Variants in GPATCH2L observed in about 807,000 individuals in gnomAD.
The protein encoded by GPATCH2L is G-patch domain containing 2 like.
Under a neutral mutation model 57.4 loss-of-function variants are expected in GPATCH2L, and 31 were observed. The ratio of observed to expected loss-of-function variants is 0.54; its 90% CI spans 0.41 to 0.73. The LOEUF is 0.73. GPATCH2L is among the 30% of genes least tolerant of loss of function. The pLI is 0.00. For missense variants in GPATCH2L, 481 were observed against 599.9 expected (o/e 0.80, Z 2.07); for synonymous variants, 199 against 210.7 (o/e 0.94, Z 0.48).
rs2040586655 is a variant in GPATCH2L at position 76,233,967 on chromosome 14, C to T, written c.*117+4014C>T. Among the ~76,000 whole-genome samples the T allele has an allele frequency of 2.0e-5, 3 of 152,000 alleles. No individual in the cohort carries two copies. In the South Asian group the frequency reaches 6.2e-4, roughly 32 times the overall value. On this transcript the variant is annotated intron_variant and NMD_transcript_variant, in intron 2 of 3. Coordinates refer to the GPATCH2L transcript ENST00000556372. ...AAAATAAGAAAAAGGAAAAATTAGC[C>T]ATGTGCAGTGGACACACCTGCAGTC...
At position 76,204,936 on chromosome 14, in the gene GPATCH2L, A is replaced by G. The variant is rs1186640800; in HGVS notation, c.*3085A>G. ...TTTTCAGATGCAGTATTTTAAAGGA[A>G]CAAAACTCCTGTGTTGCCTTTTGTT... is the stretch of plus-strand genomic sequence containing the variant. On this transcript the variant is annotated 3_prime_UTR_variant, in exon 10 of 10. Coordinates refer to ENST00000261530, the MANE Select transcript of GPATCH2L (RefSeq NM_017926.4). 1 of 151,996 alleles carries G rather than the reference A, an allele frequency of 6.6e-6. No individual in the cohort carries two copies. Among genetic ancestry groups the G allele is most frequent in the African/African-American group, 2.4e-5 (1 of 41,270 alleles). 9.4% of individuals were successfully genotyped at this position (151,996 alleles called of 1,614,324 possible). A position where few individuals can be genotyped will look rare whatever the true frequency, so the allele number is the denominator to read the frequency against.
Position 76,207,751 on chromosome 14 carries a change from GGTT to G in GPATCH2L, c.*5907_*5909del, listed in dbSNP as rs769623246. 4 of 152,094 alleles carry G rather than the reference GGTT, an allele frequency of 2.6e-5. No homozygotes were observed. The highest frequency in any genetic ancestry group is 2.1e-4 in the South Asian group (1 of 4,826). 9.4% of individuals were successfully genotyped at this position (152,094 alleles called of 1,614,324 possible). ...GACCAATAGCGATGTCATGCTTTTTGGTTGTTGTTATTGTCTGACTCGTGGATT... is the reference window on the plus strand; with the variant it reads ...GACCAATAGCGATGTCATGCTTTTTGGTTGTTATTGTCTGACTCGTGGATT... On this transcript the variant is annotated 3_prime_UTR_variant, in exon 10 of 10. Coordinates refer to ENST00000261530, the MANE Select transcript of GPATCH2L (RefSeq NM_017926.4).
Position 76,202,418 on chromosome 14 carries a change from AAC to A in GPATCH2L, c.*568_*569del. ...GAGACACCAGCAACTGGGCCTTGAG[AAC>A]TTCCATTTTTTTGCAGATTGTCTGC... On this transcript the variant is annotated 3_prime_UTR_variant, in exon 10 of 10. Coordinates refer to ENST00000261530, the MANE Select transcript of GPATCH2L (RefSeq NM_017926.4). 1 of 152,652 alleles carries A rather than the reference AAC, an allele frequency of 6.6e-6. No individual in the cohort carries two copies. Among genetic ancestry groups the A allele is most frequent in the Non-Finnish European group, 1.5e-5 (1 of 68,068 alleles). The allele number at this position is 152,652 out of a possible 1,614,324, so 9.5% of individuals were successfully genotyped here.
At chr14:76,201,554 C>T (rs181017402) in intron 9 of GPATCH2L, 137 bp from the exon 10 acceptor site, 5 of 484,338 alleles carry the variant, frequency 1.0e-5, no homozygotes, top group South Asian at 1.0e-4. Flanking sequence ...AGATACCTTA[C>T]GTGGCCACTT....
intron 3 of GPATCH2L, among the ~76,000 whole-genome samples, chr14:76,171,137 A>T (rs1383791255): frequency 6.6e-6 from 1 of 152,194 alleles, no homozygotes; most frequent in Non-Finnish European, 1.5e-5. Context: ...GGACCAGAAC[A>T]ATGCCTTGAT....
chr14:76,195,551 TAGTG>T (rs1221675341), intron 8 of GPATCH2L, among the ~76,000 whole-genome samples: 1 of 152,182 alleles, frequency 6.6e-6, no homozygotes, highest in Non-Finnish European at 1.5e-5. Flanking sequence ...AGTATTTCAT[TAGTG>T]AGTTTAGAGC....
At chr14:76,223,628 C>A (rs2040524840) in intron 1 of GPATCH2L, among the ~76,000 whole-genome samples, 1 of 152,024 alleles carries the variant, frequency 6.6e-6, no homozygotes. Flanking sequence ...AAGACACTGT[C>A]AAGAAGATGA....
At chr14:76,232,435 G>C (rs866297736) in intron 2 of GPATCH2L, among the ~76,000 whole-genome samples, 4 of 152,226 alleles carry the variant, frequency 2.6e-5, no homozygotes, top group African/African-American at 9.6e-5. Context: ...GAGTAGTTTG[G>C]ATTACAGTTG....
intron 9 of GPATCH2L, among the ~76,000 whole-genome samples, chr14:76,198,052 C>T (rs2040208855): frequency 6.6e-6 from 1 of 152,096 alleles, no homozygotes; most frequent in African/African-American, 2.4e-5. Flanking sequence ...TCTTCCTTGC[C>T]TTTTTGTACT....
chr14:76,192,540 T>C lies in GPATCH2L; in HGVS notation c.1194-3338T>C, dbSNP rs1041952184. 6.1e-4 allele frequency among the ~76,000 whole-genome samples: 93 copies of C among 152,168 alleles called. 1 individual carries two copies. The highest frequency in any genetic ancestry group is 2.1e-3 in the African/African-American group (88 of 41,448). On this transcript the variant is annotated intron_variant, in intron 8 of 9. Transcript: ENST00000261530. ...TAAAAACGAACATACCTTCTCTTCA[T>C]TGATACCCTAGTTTCTTTGTTATTC... is the stretch of plus-strand genomic sequence containing the variant.
intron 1 of GPATCH2L, among the ~76,000 whole-genome samples, chr14:76,225,930 A>G (rs931137663): frequency 2.6e-5 from 4 of 152,254 alleles, no homozygotes; most frequent in Non-Finnish European, 5.9e-5. Context: ...CATACTCAAC[A>G]GAAGGTCTAA....
intron 8 of GPATCH2L, among the ~76,000 whole-genome samples, chr14:76,182,174 G>A (rs4899585): frequency 0.21 from 31,143 of 151,642 alleles, 3,540 homozygotes; most frequent in African/African-American, 0.3. Context: ...TGGCTAACAC[G>A]GTGAAAACCT....
chr14:76,166,757 G>A lies in GPATCH2L; in HGVS notation c.727+30G>A. 3 of 1,465,942 alleles carry A rather than the reference G, an allele frequency of 2.0e-6. No homozygotes were observed. In the African/African-American group the frequency reaches 4.2e-5, roughly 20 times the overall value. The allele number at this position is 1,465,942 out of a possible 1,614,324, so 90.8% of individuals were successfully genotyped here. ...TGTCGATCCCAGCTTTGGGACCTTGGTTCCGTGTTTATGGAAATATTTGAA... is the reference window on the plus strand; with the variant it reads ...TGTCGATCCCAGCTTTGGGACCTTGATTCCGTGTTTATGGAAATATTTGAA... On this transcript the variant is annotated intron_variant, in intron 3 of 9. Coordinates refer to ENST00000261530, the MANE Select transcript of GPATCH2L (RefSeq NM_017926.4).
intron 1 of GPATCH2L, among the ~76,000 whole-genome samples, chr14:76,228,380 AAG>A (rs2040545614): frequency 6.6e-6 from 1 of 152,226 alleles, no homozygotes; most frequent in Admixed American, 6.5e-5. Flanking sequence ...TACACAAAGA[AAG>A]AGGTTGCTTT....
rs1282037632 is a variant in GPATCH2L at position 76,176,664 on chromosome 14, TATC to T, written c.1029_1031del (p.Ile344del). 5 of 1,611,096 alleles carry T rather than the reference TATC, an allele frequency of 3.1e-6. No homozygotes were observed. The South Asian group carries it at 5.5e-5, about 18-fold the overall frequency. Reference sequence around the variant, plus strand: ...CTTTGGGGACTGAGAGGATAAGCCATATCATTAGTGACCCTCGGCAGAAAGAGT... The same window carrying T: ...CTTTGGGGACTGAGAGGATAAGCCATATTAGTGACCCTCGGCAGAAAGAGT... On this transcript the variant is annotated inframe_deletion, in exon 6 of 10. Transcript: ENST00000261530.
intron 1 of GPATCH2L, among the ~76,000 whole-genome samples, chr14:76,224,451 TATCTC>T (rs2040528176): frequency 6.6e-6 from 1 of 152,040 alleles, no homozygotes; most frequent in Non-Finnish European, 1.5e-5. Flanking sequence ...GCAGAAAAAA[TATCTC>T]AATAGAATGA....
At chr14:76,160,381 T>A (rs534418407) in intron 2 of GPATCH2L, among the ~76,000 whole-genome samples, 1 of 152,218 alleles carries the variant, frequency 6.6e-6, no homozygotes, top group East Asian at 1.9e-4. Flanking sequence ...GCCTTGTAGT[T>A]TGAGGAAATC....
In GPATCH2L at chr14:76,204,197, A is replaced by G. The variant is rs1223851536; in HGVS notation, c.*2346A>G. On this transcript the variant is annotated 3_prime_UTR_variant, in exon 10 of 10. Transcript: ENST00000261530. ...GGTTATAATCTCTTGTTTTTCAGTG[A>G]TAGACCTGAGTCAGTCTGAGATGCT... 1.3e-5 allele frequency: 2 copies of G among 152,182 alleles called. No individual in the cohort carries two copies. The highest frequency in any genetic ancestry group is 2.9e-5 in the Non-Finnish European group (2 of 68,044). The allele number at this position is 152,182 out of a possible 1,614,324, so 9.4% of individuals were successfully genotyped here.
Position 76,180,771 on chromosome 14 carries a change from C to A in GPATCH2L, c.1115C>A (p.Pro372His), listed in dbSNP as rs1160377233. Residue 372 changes from proline to histidine, a missense_variant, in exon 8 of 10, where the codon CCC (proline) becomes CAC (histidine). Pro to His is a moderately conservative substitution (Grantham distance 77, BLOSUM62 -2). Around this residue, in one of 3 missense-constraint regions of GPATCH2L, gnomAD observed 248 missense variants for 270.5 expected, o/e 0.92. Coordinates refer to ENST00000261530, the MANE Select transcript of GPATCH2L (RefSeq NM_017926.4). Reference sequence around the variant, plus strand: ...TCTTATTCATTCCTGCAGTTCAATCCCCTGTCTCCCCTTTACTCCCTGGAT... The same window carrying A: ...TCTTATTCATTCCTGCAGTTCAATCACCTGTCTCCCCTTTACTCCCTGGAT... ...HISACAHEFN[P>H]LSPLYSLDVL... The A allele has an allele frequency of 6.2e-7, 1 of 1,608,854 alleles. No individual in the cohort carries two copies. Among genetic ancestry groups the A allele is most frequent in the Non-Finnish European group, 8.5e-7 (1 of 1,175,190 alleles).
Sources: allele counts gnomAD v4.1 joint callset (sites outside exome capture counted in the v4.1 genomes callset), GRCh38; gene constraint gnomAD v4.1.1; regional missense constraint gnomAD v4.1.1; transcripts MANE v1.5; gene names NCBI Gene and HGNC (gene_info 2026-07-23, HGNC 2026-07-21).